The following PRKCZ variants were observed in gnomAD, a reference collection of about 807,000 sequenced individuals.
PRKCZ encodes the protein protein kinase C zeta.
In PRKCZ, 33 loss-of-function variants were observed where a neutral mutation model predicts 79.5. The ratio of observed to expected loss-of-function variants is 0.41; its 90% confidence interval spans 0.31 to 0.55. The LOEUF is 0.55. PRKCZ is among the 20% of genes least tolerant of loss of function. The probability of loss-of-function intolerance (pLI) is 0.19; values close to 1 mark genes in which losing one functional copy is unlikely to be tolerated. For synonymous variants in PRKCZ, 342 were observed against 320.9 expected, an observed-to-expected ratio of 1.07 and a Z score of -0.70; for missense variants, 578 against 813.5, an observed-to-expected ratio of 0.71 and a Z score of 3.52.
At chr1:2,090,993 G>T (rs145866135) in intron 4 of PRKCZ, among the ~76,000 whole-genome samples, 1 of 152,318 alleles carries the variant, frequency 6.6e-6, no homozygotes, top group African/African-American at 2.4e-5. Flanking sequence ...ATATAGATGT[G>T]CTTTAATAAA....
In PRKCZ at chr1:2,158,175, G is replaced by A. The variant is rs565785581; in HGVS notation, c.974+2083G>A. Among the ~76,000 whole-genome samples the A allele has an allele frequency of 5.3e-5, 8 of 152,190 alleles. No individual in the cohort carries two copies. In the East Asian group the frequency reaches 7.7e-4, roughly 15 times the overall value. On this transcript the variant is annotated intron_variant, in intron 10 of 17. Coordinates refer to ENST00000378567, the MANE Select transcript of PRKCZ (RefSeq NM_002744.6). ...GGGTTCCTGTTTTCTGGCTGCTTAC[G>A]CCTCCTAAGTGTGTTTCAGGGTCCC... is the stretch of plus-strand genomic sequence containing the variant.
chr1:2,157,735 TAAAG>T (rs749559898), intron 10 of PRKCZ, among the ~76,000 whole-genome samples: 9 of 138,108 alleles, frequency 6.5e-5, no homozygotes, highest in Non-Finnish European at 6.3e-5. Flanking sequence ...TTTTTTTAAA[TAAAG>T]ATAGGGTCTT....
At chr1:2,112,522 T>G (rs559788271) in intron 4 of PRKCZ, among the ~76,000 whole-genome samples, 1,749 of 152,208 alleles carry the variant, frequency 0.011, 39 homozygotes, top group African/African-American at 0.04. Flanking sequence ...TGGGGGACTG[T>G]GGGGTGCAGC....
intron 4 of PRKCZ, among the ~76,000 whole-genome samples, chr1:2,086,531 C>T (rs571714871): frequency 3.9e-5 from 6 of 152,184 alleles, no homozygotes; most frequent in Non-Finnish European, 5.9e-5. Flanking sequence ...GTGTGTTGCT[C>T]GCATCCGGGC....
intron 4 of PRKCZ, chr1:2,074,709 C>T (rs1028006762): frequency 1.1e-4 from 25 of 224,794 alleles, no homozygotes; most frequent in South Asian, 1.1e-3. Context: ...TCGGGGTCCT[C>T]GGATGGTGGC....
chr1:2,173,875 A>G lies in PRKCZ; in HGVS notation c.1286-22A>G. ...CCGGCCCATGTGGCCCCACTCGGTG[A>G]TGGCTGTGTGCTCTCCCCCAGGGTT... On this transcript the variant is annotated intron_variant, in intron 13 of 17. Coordinates refer to ENST00000378567, the MANE Select transcript of PRKCZ (RefSeq NM_002744.6). This position sits in a 1 kb window ranked among gnomAD's most constrained non-coding sequence, Gnocchi z 5.7. The G allele has an allele frequency of 2.6e-6, 4 of 1,566,018 alleles. No homozygotes were observed. The highest frequency in any genetic ancestry group is 2.4e-5 in the East Asian group (1 of 42,168).
chr1:2,134,046 G>A (rs1227665443), intron 4 of PRKCZ: 1 of 152,178 alleles, frequency 6.6e-6, no homozygotes, highest in African/African-American at 2.4e-5. Context: ...CCCCAGCCTG[G>A]CCTCGGGCTT....
intron 4 of PRKCZ, among the ~76,000 whole-genome samples, chr1:2,129,889 GTTTT>G (rs1674626162): frequency 6.6e-6 from 1 of 152,000 alleles, no homozygotes. Context: ...AAAAGGATGG[GTTTT>G]TTTGTTTGTT....
chr1:2,050,533 CCTTCCGCGT>C lies in PRKCZ; in HGVS notation c.-97_-89del. On this transcript the variant is annotated 5_prime_UTR_variant, in exon 1 of 18. Transcript: ENST00000378567. ...TCGGCGCCGTCGGTCCTGAGCGCTGCCTTCCGCGTTCCGCCGCGGCCCCACCTGGAGCCC... is the reference window on the plus strand; with the variant it reads ...TCGGCGCCGTCGGTCCTGAGCGCTGCTCCGCCGCGGCCCCACCTGGAGCCC... 2.7e-6 allele frequency: 2 copies of C among 752,632 alleles called. No homozygotes were observed. The highest frequency in any genetic ancestry group is 3.7e-5 in the African/African-American group (2 of 54,464). 46.6% of individuals were successfully genotyped at this position (752,632 alleles called of 1,614,324 possible).
Position 2,173,521 on chromosome 1 carries a change from G to A in PRKCZ, c.1286-376G>A, listed in dbSNP as rs1684875262. Among the ~76,000 whole-genome samples the A allele has an allele frequency of 6.6e-6, 1 of 152,226 alleles. No individual in the cohort carries two copies. On this transcript the variant is annotated intron_variant, in intron 13 of 17. Coordinates refer to ENST00000378567, the MANE Select transcript of PRKCZ (RefSeq NM_002744.6). The surrounding 1 kb of genome is among the most constrained non-coding windows in gnomAD (Gnocchi z 5.7). ...CAAAATGGCTGTAGAAGGAAACACA[G>A]GAGAGTATTTCCGTTACTGCAGCGA...
At chr1:2,170,428 A>G (rs1370294035) in intron 11 of PRKCZ, among the ~76,000 whole-genome samples, 2 of 152,194 alleles carry the variant, frequency 1.3e-5, no homozygotes, top group East Asian at 3.8e-4. Context: ...GTTTCTGGCA[A>G]TAGGACAGTA....
chr1:2,050,768 G>C lies in PRKCZ; in HGVS notation c.71+67G>C, dbSNP rs1370635133. 5.1e-6 allele frequency: 5 copies of C among 987,288 alleles called. No individual in the cohort carries two copies. In the East Asian group the frequency reaches 1.3e-4, roughly 26 times the overall value. The allele number at this position is 987,288 out of a possible 1,614,324, so 61.2% of individuals were successfully genotyped here. ...GGAGGGCGGGGAGGGCTCAGCCGTCGGGGCTCCTGCGCGAGAGGGAGAGAG... is the reference window on the plus strand; with the variant it reads ...GGAGGGCGGGGAGGGCTCAGCCGTCCGGGCTCCTGCGCGAGAGGGAGAGAG... On this transcript the variant is annotated intron_variant, in intron 1 of 17. Coordinates refer to ENST00000378567, the MANE Select transcript of PRKCZ (RefSeq NM_002744.6).
At position 2,121,614 on chromosome 1, in the gene PRKCZ, A is replaced by G. The variant is rs1172368983; in HGVS notation, c.335-13648A>G. Among the ~76,000 whole-genome samples the G allele has an allele frequency of 2.6e-3, 288 of 112,370 alleles. 47 individuals are homozygous for G. In the East Asian group the frequency reaches 0.056, roughly 22 times the overall value. 73.7% of individuals were successfully genotyped at this position (112,370 alleles called of 152,430 possible). A position where few individuals can be genotyped will look rare whatever the true frequency, so the allele number is the denominator to read the frequency against. ...TAAGGTCACAGCAGTAATTAGGGTC[A>G]TGGTGGTGGTTAGGGTCACAGTGGT... On this transcript the variant is annotated intron_variant, in intron 4 of 17. Transcript: ENST00000378567.
At chr1:2,050,310 G>A (rs1557461494), upstream of PRKCZ, among the ~76,000 whole-genome samples, 1 of 151,504 alleles carries the variant, frequency 6.6e-6, no homozygotes, top group African/African-American at 2.4e-5. Context: ...GATTGGCCCA[G>A]GTGGCGGCCC....
chr1:2,093,770 G>A (rs1665928594), intron 4 of PRKCZ, among the ~76,000 whole-genome samples: 1 of 152,180 alleles, frequency 6.6e-6, no homozygotes, highest in Non-Finnish European at 1.5e-5. Flanking sequence ...CAGAGGACGT[G>A]CTGTGTACGG....
chr1:2,158,940 T>G (rs1681661450), intron 10 of PRKCZ, among the ~76,000 whole-genome samples: 1 of 152,112 alleles, frequency 6.6e-6, no homozygotes, highest in Non-Finnish European at 1.5e-5. Context: ...CCTTTTTTTT[T>G]TTTGAGACGG....
intron 6 of PRKCZ, chr1:2,145,417 CA>C (rs1451539452): frequency 6.6e-6 from 1 of 152,260 alleles, no homozygotes. Flanking sequence ...GGGAGATGAC[CA>C]AGCATTGTGC....
Position 2,082,324 on chromosome 1 carries a change from G to A in PRKCZ, c.334+22733G>A. 2.2e-6 allele frequency: 1 copy of A among 454,346 alleles called. No homozygotes were observed. The highest frequency in any genetic ancestry group is 1.6e-5 in the South Asian group (1 of 64,264). The allele number at this position is 454,346 out of a possible 1,614,324, so 28.1% of individuals were successfully genotyped here. On this transcript the variant is annotated intron_variant, in intron 4 of 17. Coordinates refer to ENST00000378567, the MANE Select transcript of PRKCZ (RefSeq NM_002744.6). The surrounding 1 kb of genome is among the most constrained non-coding windows in gnomAD (Gnocchi z 4.4). ...GCTGCCAGAGCGGCTGTTCAAGATGGACTTGGCAAATCACCTCTTTCAAGT... is the reference window on the plus strand; with the variant it reads ...GCTGCCAGAGCGGCTGTTCAAGATGAACTTGGCAAATCACCTCTTTCAAGT...
chr1:2,113,190 A>G (rs1404697746), intron 4 of PRKCZ, among the ~76,000 whole-genome samples: 3 of 152,242 alleles, frequency 2.0e-5, no homozygotes, highest in Non-Finnish European at 2.9e-5. Context: ...AGTTCTGACT[A>G]GCGAGTACCT....
Sources: gnomAD v4.1 joint callset for allele counts (sites outside exome capture counted in the v4.1 genomes callset) on GRCh38, gnomAD v4.1.1 for gene constraint, Gnocchi (gnomAD v3.1) non-coding constraint, MANE v1.5 for transcripts, NCBI Gene and HGNC (gene_info 2026-07-23, HGNC 2026-07-21) for gene names.